Variants in MACF1 observed in about 807,000 individuals in gnomAD.
The protein encoded by MACF1 is microtubule-actin cross-linking factor 1.
MACF1 carries 193 observed loss-of-function variants against 854.8 expected under a neutral mutation model. The observed-to-expected ratio is 0.23, with a 90% CI of 0.20 to 0.25. The LOEUF is 0.25. Among genes scored for constraint, MACF1 ranks in the 10% least tolerant of loss-of-function variants. MACF1 has a pLI of 1.00. For missense variants in MACF1, 7,722 were observed against 8,929.1 expected (o/e 0.86, Z 5.45); for synonymous variants, 3,185 against 3,226.7 (o/e 0.99, Z 0.44).
chr1:39,166,519 C>T (rs369143298), intron 2 of MACF1, among the ~76,000 whole-genome samples: 4 of 151,506 alleles, frequency 2.6e-5, no homozygotes, highest in South Asian at 2.1e-4. Flanking sequence ...TGCAGTGGTG[C>T]GATCTTGGCT....
At chr1:39,436,360 C>A (rs1019737619) in intron 70 of MACF1, 13 of 986,638 alleles carry the variant, frequency 1.3e-5, no homozygotes, top group South Asian at 1.1e-4. Flanking sequence ...TTTCTCCCCC[C>A]ACCTTCCGTC....
At chr1:39,476,076 C>T (rs1419235672) in intron 97 of MACF1, among the ~76,000 whole-genome samples, 5 of 152,152 alleles carry the variant, frequency 3.3e-5, no homozygotes, top group African/African-American at 1.2e-4. Context: ...GACTTTTTTC[C>T]TGTATGTACT....
intron 97 of MACF1, among the ~76,000 whole-genome samples, chr1:39,471,492 A>G (rs1644776246): frequency 2.0e-5 from 3 of 152,188 alleles, no homozygotes; most frequent in African/African-American, 7.2e-5. Context: ...CTCCTTTTAC[A>G]CAGCTATTTT....
At chr1:39,291,307 TG>T (rs1196578848) in intron 15 of MACF1, among the ~76,000 whole-genome samples, 2 of 148,122 alleles carry the variant, frequency 1.4e-5, no homozygotes, top group Non-Finnish European at 3.1e-5. Flanking sequence ...GCAAGGCTAC[TG>T]TATTCCGCAG....
chr1:39,210,354 G>A (rs993376682), intron 1 of MACF1, among the ~76,000 whole-genome samples: 1 of 151,184 alleles, frequency 6.6e-6, no homozygotes, highest in South Asian at 2.1e-4. Flanking sequence ...TAGAGTCTTT[G>A]TCTTTTCCAT....
intron 58 of MACF1, among the ~76,000 whole-genome samples, chr1:39,401,363 T>C (rs1642470393): frequency 6.6e-6 from 1 of 152,240 alleles, no homozygotes; most frequent in Non-Finnish European, 1.5e-5. Context: ...TAGACCATGT[T>C]ATCTTCCTCT....
chr1:39,436,633 A>T, intron 70 of MACF1: 1 of 760,894 alleles, frequency 1.3e-6, no homozygotes, highest in South Asian at 1.6e-5. Context: ...TTGGGGTGGA[A>T]CCTAGAAGTG....
rs187484873 is a variant in MACF1, at chr1:39,088,378, C to T, written c.220+3940C>T. 2.5e-4 allele frequency among the ~76,000 whole-genome samples: 38 copies of T among 152,286 alleles called. No homozygotes were observed. The East Asian group carries it at 3.5e-3, about 14-fold the overall frequency. ...TGCTGGGATTACAGGCGTGAGCCAC[C>T]GCACCCGGCCCTGTACATTGTTATT... On this transcript the variant is annotated intron_variant, in intron 2 of 93. Transcript: ENST00000361689.
intron 65 of MACF1, among the ~76,000 whole-genome samples, chr1:39,430,352 C>G (rs1643858379): frequency 6.6e-6 from 1 of 151,444 alleles, no homozygotes; most frequent in African/African-American, 2.4e-5. Flanking sequence ...TAGTATAGTT[C>G]TAGATGCATA....
At chr1:39,330,572 A>G (rs1646703395) in intron 36 of MACF1, among the ~76,000 whole-genome samples, 1 of 152,108 alleles carries the variant, frequency 6.6e-6, no homozygotes, top group South Asian at 2.1e-4. Flanking sequence ...ATAAGATTAA[A>G]TCCTATCATT....
chr1:39,458,042 A>G (rs562382825), intron 89 of MACF1: 86 of 191,706 alleles, frequency 4.5e-4, no homozygotes, highest in Non-Finnish European at 8.4e-4. Context: ...GGCTCCTTTT[A>G]AACAGCCAGT....
At chr1:39,194,346 CTTTTCTT>C (rs1184267433) in intron 2 of MACF1, among the ~76,000 whole-genome samples, 87 of 34,988 alleles carry the variant, frequency 2.5e-3, no homozygotes, top group African/African-American at 3.3e-3. Context: ...CTTTTCTTTT[CTTTTCTT>C]TTTTTTTTTT....
chr1:39,205,830 C>CA (rs1046408376), intron 1 of MACF1, among the ~76,000 whole-genome samples: 10 of 152,046 alleles, frequency 6.6e-5, no homozygotes, highest in African/African-American at 2.4e-4. Flanking sequence ...CCAGAACCCT[C>CA]ATTCTTCCCA....
intron 2 of MACF1, among the ~76,000 whole-genome samples, chr1:39,196,060 A>C (rs905755667): frequency 6.6e-6 from 1 of 152,222 alleles, no homozygotes; most frequent in African/African-American, 2.4e-5. Context: ...CCTGAAACAC[A>C]TTAACTCATT....
chr1:39,261,984 G>A (rs1039916424), intron 6 of MACF1, among the ~76,000 whole-genome samples: 2 of 152,118 alleles, frequency 1.3e-5, no homozygotes, highest in Non-Finnish European at 2.9e-5. Context: ...TTAGATTATA[G>A]CTATCACAGT....
Position 39,387,841 on chromosome 1 carries a change from C to T in MACF1, c.14999C>T (p.Ala5000Val), listed in dbSNP as rs1641863412. 1 of 1,613,914 alleles carries T rather than the reference C, an allele frequency of 6.2e-7. No individual in the cohort carries two copies. Among genetic ancestry groups the T allele is most frequent in the Non-Finnish European group, 8.5e-7 (1 of 1,180,016 alleles). ...NMDAVTEELQ[A>V]KTGSLEEMTQ... ...GATGCTGTTACAGAAGAGCTGCAGG[C>T]CAAAACAGGGTCACTCGAAGAAATG... The change falls in exon 58 of 101, where the codon GCC becomes GTC. Residue 5000 changes from alanine (A) to valine (V), a missense_variant. By Grantham distance (64) the Ala-to-Val change is moderately conservative. Coordinates refer to ENST00000564288, the MANE Select transcript of MACF1 (RefSeq NM_001394062.1).
intron 14 of MACF1, 55 bp from the exon 15 acceptor site, chr1:39,287,231 T>G: frequency 6.5e-7 from 1 of 1,537,272 alleles, no homozygotes; most frequent in Non-Finnish European, 8.8e-7. Flanking sequence ...ATTTTATTTT[T>G]AAAAACTATA....
At chr1:39,389,863 T>C (rs1641963127) in intron 58 of MACF1, among the ~76,000 whole-genome samples, 1 of 152,228 alleles carries the variant, frequency 6.6e-6, no homozygotes, top group South Asian at 2.1e-4. Flanking sequence ...AGCAGCTTAA[T>C]AATACATCCC....
intron 58 of MACF1, chr1:39,414,302 C>A (rs1276175114): frequency 6.2e-7 from 1 of 1,613,928 alleles, no homozygotes. Context: ...TCTGCCCACA[C>A]TGACTCAGTG....
Sources: allele counts gnomAD v4.1 joint callset (sites outside exome capture counted in the v4.1 genomes callset), GRCh38; gene constraint gnomAD v4.1.1; transcripts MANE v1.5; gene names NCBI Gene and HGNC (gene_info 2026-07-23, HGNC 2026-07-21).